Variants in AKR1C8 observed in about 807,000 individuals in gnomAD.
AKR1C8 encodes aldo-keto reductase family 1 member C8, also known as aldo-keto reductase family 1 member C-like protein 1.
the AKR1C8 span, among the ~76,000 whole-genome samples, chr10:5,137,624 T>C: frequency 6.6e-6 from 1 of 152,190 alleles, no homozygotes; most frequent in African/African-American, 2.4e-5. Flanking sequence ...AATATCATAC[T>C]GAATGGGCAA....
chr10:5,177,602 G>C, the AKR1C8 span, among the ~76,000 whole-genome samples: 82,546 of 151,878 alleles, frequency 0.54, 23,360 homozygotes, highest in Non-Finnish European at 0.6. Flanking sequence ...GTGAATCCAT[G>C]TGGTCCTGGA....
At chr10:5,166,643 T>C in the AKR1C8 span, among the ~76,000 whole-genome samples, 2 of 152,168 alleles carry the variant, frequency 1.3e-5, no homozygotes, top group Non-Finnish European at 2.9e-5. Flanking sequence ...TAATTTAAGA[T>C]GGGTTAAAGA....
At chr10:5,152,629 C>T in the AKR1C8 span, among the ~76,000 whole-genome samples, 1 of 152,148 alleles carries the variant, frequency 6.6e-6, no homozygotes. Context: ...ATTCTAGTTT[C>T]TGTGGCTAGC....
At chr10:5,144,564 T>C in the AKR1C8 span, among the ~76,000 whole-genome samples, 1 of 151,286 alleles carries the variant, frequency 6.6e-6, no homozygotes, top group Non-Finnish European at 1.5e-5. Flanking sequence ...CAGTGGTTTG[T>C]AGTTCTCCTT....
At chr10:5,173,690 T>C in the AKR1C8 span, among the ~76,000 whole-genome samples, 1 of 151,880 alleles carries the variant, frequency 6.6e-6, no homozygotes, top group Non-Finnish European at 1.5e-5. Flanking sequence ...TTTCTCCCTA[T>C]ACAAACCAAT....
At chr10:5,159,740 CT>C in the AKR1C8 span, 1 of 458,984 alleles carries the variant, frequency 2.2e-6, no homozygotes, top group African/African-American at 2.0e-5. Flanking sequence ...TCAAATTGCT[CT>C]TTCTCTGGTA....
chr10:5,162,757 G>A, the AKR1C8 span: 17 of 383,426 alleles, frequency 4.4e-5, no homozygotes, highest in Non-Finnish European at 5.4e-5. Context: ...ATATTAGGAG[G>A]TAAATAAAGA....
At chr10:5,143,648 G>GTA in the AKR1C8 span, among the ~76,000 whole-genome samples, 16 of 149,968 alleles carry the variant, frequency 1.1e-4, no homozygotes, top group East Asian at 2.9e-3. Flanking sequence ...ACATATACAT[G>GTA]TATATATAAT....
chr10:5,165,885 A>C, the AKR1C8 span, among the ~76,000 whole-genome samples: 1 of 150,598 alleles, frequency 6.6e-6, no homozygotes, highest in African/African-American at 2.5e-5. Flanking sequence ...CAGAACTAGT[A>C]CCTCACACAG....
At chr10:5,120,865 C>T in the AKR1C8 span, among the ~76,000 whole-genome samples, 1 of 151,840 alleles carries the variant, frequency 6.6e-6, no homozygotes, top group East Asian at 1.9e-4. Flanking sequence ...ATTATTCTAC[C>T]AGTTTGGAGT....
the AKR1C8 span, among the ~76,000 whole-genome samples, chr10:5,170,863 T>G: frequency 6.6e-6 from 1 of 152,134 alleles, no homozygotes; most frequent in African/African-American, 2.4e-5. Flanking sequence ...TGCCATAACT[T>G]AAGAATACTC....
At chr10:5,182,892 A>T in the AKR1C8 span, among the ~76,000 whole-genome samples, 2 of 151,722 alleles carry the variant, frequency 1.3e-5, no homozygotes, top group Non-Finnish European at 2.9e-5. Context: ...CCTGGGCAGG[A>T]GAGCAGACTC....
chr10:5,161,945 ATT>A, the AKR1C8 span: 1 of 534,384 alleles, frequency 1.9e-6, no homozygotes, highest in Non-Finnish European at 3.8e-6. Flanking sequence ...GGGTGAACCA[ATT>A]CTGCCCGAAA....
chr10:5,140,705 G>C, the AKR1C8 span, among the ~76,000 whole-genome samples: 1 of 151,930 alleles, frequency 6.6e-6, no homozygotes, highest in Admixed American at 6.6e-5. Flanking sequence ...TAAATGACGA[G>C]TTAATGGGTG....
the AKR1C8 span, among the ~76,000 whole-genome samples, chr10:5,181,834 A>T: frequency 1.3e-5 from 2 of 152,168 alleles, no homozygotes; most frequent in Admixed American, 1.3e-4. Flanking sequence ...GGCAATTGTT[A>T]CCTTGTTTTA....
At chr10:5,117,966 A>T in the AKR1C8 span, among the ~76,000 whole-genome samples, 2 of 152,150 alleles carry the variant, frequency 1.3e-5, no homozygotes, top group Non-Finnish European at 2.9e-5. Context: ...AAATATGCCA[A>T]CCATAGCATT....
At chr10:5,145,718 G>A in the AKR1C8 span, among the ~76,000 whole-genome samples, 1 of 152,146 alleles carries the variant, frequency 6.6e-6, no homozygotes, top group East Asian at 1.9e-4. Flanking sequence ...GAGAGGATGT[G>A]GAGAAATAGG....
At chr10:5,171,045 A>T in the AKR1C8 span, among the ~76,000 whole-genome samples, 1 of 152,122 alleles carries the variant, frequency 6.6e-6, no homozygotes, top group African/African-American at 2.4e-5. Flanking sequence ...CAAAATGTTA[A>T]AAAGATTAGC....
chr10:5,160,687 G>T, the AKR1C8 span: 1 of 389,130 alleles, frequency 2.6e-6, no homozygotes. Context: ...GAACACAGAG[G>T]CACAGAGAAG....
Sources: gnomAD v4.1 joint callset for allele counts (sites outside exome capture counted in the v4.1 genomes callset) on GRCh38, gnomAD v4.1.1 for gene constraint, MANE v1.5 for transcripts, NCBI Gene and HGNC (gene_info 2026-07-23, HGNC 2026-07-21) for gene names.